The following SGK3 variants were observed in gnomAD, a reference collection of about 807,000 sequenced individuals.
SGK3 encodes the protein serine/threonine-protein kinase Sgk3.
SGK3 carries 47 observed loss-of-function variants against 68.5 expected under a neutral mutation model. The ratio of observed to expected loss-of-function variants is 0.69; its 90% CI spans 0.54 to 0.87. The LOEUF (loss-of-function observed/expected upper bound fraction) is 0.87. SGK3 is among the 40% of genes least tolerant of loss of function. SGK3 has a pLI of 0.00. For missense variants in SGK3, 479 were observed against 575.5 expected (o/e 0.83, Z 1.72); for synonymous variants, 181 against 189.1 (o/e 0.96, Z 0.35).
intron 4 of SGK3, among the ~76,000 whole-genome samples, chr8:66,809,171 A>T (rs1808284175): frequency 1.3e-5 from 2 of 152,146 alleles, no homozygotes; most frequent in Non-Finnish European, 2.9e-5. Flanking sequence ...CTCATAATTT[A>T]TTTTTTTACC....
chr8:66,753,768 A>G (rs1352271417), intron 1 of SGK3, among the ~76,000 whole-genome samples: 1 of 152,158 alleles, frequency 6.6e-6, no homozygotes, highest in East Asian at 1.9e-4. Context: ...GCAGTGAGCC[A>G]AGATCGTGCC....
intron 13 of SGK3, among the ~76,000 whole-genome samples, chr8:66,841,949 A>G (rs1389689096): frequency 2.0e-5 from 3 of 152,186 alleles, no homozygotes; most frequent in Admixed American, 1.3e-4. Context: ...GTACCACATA[A>G]TATTTCATCT....
chr8:66,734,228 C>CTTTTTTTTTTTTTTTTTTTTTACTTT (rs1805250236), intron 1 of SGK3, among the ~76,000 whole-genome samples: 1 of 104,232 alleles, frequency 9.6e-6, no homozygotes, highest in Non-Finnish European at 2.0e-5. Flanking sequence ...CTTTTTCTTT[C>CTTTTTTTTTTTTTTTTTTTTTACTTT]TTTTTTTTTT....
chr8:66,801,686 C>CCCACATACA (rs1188331857), intron 3 of SGK3, among the ~76,000 whole-genome samples: 2 of 151,856 alleles, frequency 1.3e-5, no homozygotes, highest in Non-Finnish European at 1.5e-5. Context: ...ACACACACAC[C>CCCACATACA]CCACATACAC....
At position 66,809,675 on chromosome 8, in the gene SGK3, A is replaced by G. The variant is rs1017208482; in HGVS notation, c.254-4178A>G. The stretch of plus-strand genomic sequence containing the variant: ...AATGTAATTTATTTGTACCAAAGAG[A>G]TAATGTTGGAAAATACTTCATAGCA... On this transcript the variant is annotated intron_variant, in intron 4 of 16. Coordinates refer to ENST00000521198, the MANE Select transcript of SGK3 (RefSeq NM_001033578.3). Among the ~76,000 whole-genome samples, 5 of 152,218 alleles carry G rather than the reference A, an allele frequency of 3.3e-5. No homozygotes were observed. The East Asian group carries it at 9.6e-4, about 29-fold the overall frequency.
At chr8:66,741,214 CT>C (rs1233418741) in intron 1 of SGK3, among the ~76,000 whole-genome samples, 2 of 152,132 alleles carry the variant, frequency 1.3e-5, no homozygotes, top group African/African-American at 2.4e-5. Flanking sequence ...CAGATTTTGA[CT>C]TTTCAAGTCT....
At chr8:66,805,654 G>A (rs976800969) in intron 4 of SGK3, among the ~76,000 whole-genome samples, 5 of 152,094 alleles carry the variant, frequency 3.3e-5, no homozygotes, top group Non-Finnish European at 2.9e-5. Context: ...GAACCCAAGA[G>A]ATTAATCCAG....
In SGK3 at chr8:66,859,582, GCAGTTTGCCATT is replaced by G; in HGVS notation, c.*5_*16del. On this transcript the variant is annotated 3_prime_UTR_variant, in exon 17 of 17. Transcript: ENST00000521198. ...TCCTTCAGAAGACTTATTTTTGTGA[GCAGTTTGCCATT>G]CAGAAACCATTGAGCAAAATAAGTC... is the stretch of plus-strand genomic sequence containing the variant. The G allele has an allele frequency of 6.2e-7, 1 of 1,606,592 alleles. No individual in the cohort carries two copies. Among genetic ancestry groups the G allele is most frequent in the Non-Finnish European group, 8.5e-7 (1 of 1,175,120 alleles).
chr8:66,813,703 A>T, intron 4 of SGK3, 150 bp from the exon 5 acceptor site: 1 of 354,548 alleles, frequency 2.8e-6, no homozygotes. Context: ...ATAATTTCTA[A>T]GTATGTATTC....
intron 1 of SGK3, among the ~76,000 whole-genome samples, chr8:66,762,526 A>G (rs1423039995): frequency 1.3e-5 from 2 of 152,040 alleles, no homozygotes; most frequent in Admixed American, 6.6e-5. Context: ...AAAAAACAAA[A>G]CCAAAAACAA....
chr8:66,816,282 G>A (rs181238130), intron 5 of SGK3, among the ~76,000 whole-genome samples: 19 of 151,160 alleles, frequency 1.3e-4, no homozygotes, highest in Non-Finnish European at 2.6e-4. Flanking sequence ...GACTACAGGC[G>A]TGATAAACTT....
At position 66,826,636 on chromosome 8, in the gene SGK3, C is replaced by CTTTAT. The variant is rs567720764; in HGVS notation, c.418-1994_418-1990dup. Among the ~76,000 whole-genome samples, 762 of 151,870 alleles carry CTTTAT rather than the reference C, an allele frequency of 5.0e-3. 9 individuals carry two copies. Among genetic ancestry groups the CTTTAT allele is most frequent in the African/African-American group, 0.017 (694 of 41,284 alleles). On this transcript the variant is annotated intron_variant, in intron 6 of 16. Transcript: ENST00000521198. ...AATGTTGTTTTTTCATGAGAAACTT[C>CTTTAT]TTTATTTTATTTTATTTTATTTTAT...
chr8:66,829,616 A>C (rs1585780577), intron 7 of SGK3, among the ~76,000 whole-genome samples: 1 of 152,220 alleles, frequency 6.6e-6, no homozygotes, highest in South Asian at 2.1e-4. Flanking sequence ...ACTGGATTTC[A>C]TGAAGTCATT....
At chr8:66,751,158 C>T (rs970016730) in intron 1 of SGK3, among the ~76,000 whole-genome samples, 2 of 151,824 alleles carry the variant, frequency 1.3e-5, no homozygotes, top group East Asian at 1.9e-4. Flanking sequence ...AAAAATTAGC[C>T]GGGCGTGGTG....
intron 13 of SGK3, among the ~76,000 whole-genome samples, chr8:66,842,252 G>A (rs1226707355): frequency 4.3e-5 from 6 of 139,744 alleles, no homozygotes; most frequent in South Asian, 2.2e-4. Context: ...ATGGAGTCTC[G>A]CTTTGTCATC....
chr8:66,850,157 C>G (rs968539634), intron 15 of SGK3, among the ~76,000 whole-genome samples: 7 of 152,206 alleles, frequency 4.6e-5, no homozygotes, highest in African/African-American at 1.7e-4. Context: ...CAGAGCCTTT[C>G]TGGAACATGC....
chr8:66,848,359 A>G (rs1249114968), intron 15 of SGK3, among the ~76,000 whole-genome samples: 1 of 152,158 alleles, frequency 6.6e-6, no homozygotes, highest in Non-Finnish European at 1.5e-5. Flanking sequence ...CTGTCTGGTA[A>G]TACTCTTTGT....
Position 66,793,686 on chromosome 8 carries a change from C to T in SGK3, c.-51C>T, listed in dbSNP as rs376652589. 1.7e-4 allele frequency: 261 copies of T among 1,574,846 alleles called. No individual in the cohort carries two copies. Among genetic ancestry groups the T allele is most frequent in the Non-Finnish European group, 2.2e-4 (253 of 1,155,136 alleles). On this transcript the variant is annotated 5_prime_UTR_variant, in exon 2 of 17. Transcript: ENST00000521198. ...TGGATTAGTTAATTGGGTTTGTCCT[C>T]TGCTGACTGTTTCTTCGGATGCATT... is the stretch of plus-strand genomic sequence containing the variant.
In SGK3 at chr8:66,804,413, T is replaced by G. The variant is rs776036376; in HGVS notation, c.219T>G (p.Pro73=). 1.2e-6 allele frequency: 2 copies of G among 1,612,634 alleles called. No individual in the cohort carries two copies. Among genetic ancestry groups the G allele is most frequent in the Non-Finnish European group, 1.7e-6 (2 of 1,179,516 alleles). ...KQFPAMALKI[P]AKRIFGDNFD... is the part of the protein sequence containing the mutation. ...TTCCTGCTATGGCCCTGAAGATTCC[T>G]GCCAAGAGAATATTTGGTGATAATT... The change falls in exon 4 of 17, where the codon CCT becomes CCG. Residue 73 remains proline (P), a synonymous_variant. Transcript: ENST00000521198.
Sources: allele counts gnomAD v4.1 joint callset (sites outside exome capture counted in the v4.1 genomes callset), GRCh38; gene constraint gnomAD v4.1.1; transcripts MANE v1.5; gene names NCBI Gene and HGNC (gene_info 2026-07-23, HGNC 2026-07-21).